Variants in SULT1E1 observed in about 807,000 individuals in gnomAD.
The protein encoded by SULT1E1 is sulfotransferase family 1E member 1, also known as sulfotransferase 1E1.
SULT1E1 carries 36 observed loss-of-function variants against 33.6 expected under a neutral mutation model. The ratio of observed to expected loss-of-function variants is 1.07; its 90% confidence interval spans 0.82 to 1.41. The LOEUF (loss-of-function observed/expected upper bound fraction) is 1.41. Ranked by LOEUF, SULT1E1 falls within the 40% of genes most tolerant of loss-of-function variation. The pLI, the probability that SULT1E1 is intolerant of heterozygous loss-of-function variation, is 0.00. For missense variants in SULT1E1, 371 were observed against 345.7 expected, an observed-to-expected ratio of 1.07 and a Z score of -0.58; for synonymous variants, 121 against 111.7, an observed-to-expected ratio of 1.08 and a Z score of -0.53.
intron 4 of SULT1E1, among the ~76,000 whole-genome samples, chr4:69,850,798 T>C (rs1286798381): frequency 2.0e-5 from 3 of 152,092 alleles, no homozygotes; most frequent in Non-Finnish European, 4.4e-5. Flanking sequence ...TGAGGCTTTT[T>C]ATTTTCCCAG....
chr4:69,857,784 A>G, intron 1 of SULT1E1, 131 bp from the exon 2 acceptor site: 1 of 701,730 alleles, frequency 1.4e-6, no homozygotes, highest in Non-Finnish European at 2.2e-6. Context: ...GCAAAAACAT[A>G]GTAAAGTTGC....
the SULT1E1 span, among the ~76,000 whole-genome samples, chr4:69,821,519 T>A: frequency 6.6e-6 from 1 of 152,210 alleles, no homozygotes; most frequent in East Asian, 1.9e-4. Context: ...GTCATTTGAA[T>A]ATCCTTTGCT....
At chr4:69,823,940 T>C in the SULT1E1 span, among the ~76,000 whole-genome samples, 6 of 152,224 alleles carry the variant, frequency 3.9e-5, no homozygotes, top group Admixed American at 3.3e-4. Context: ...CTGTCAAATC[T>C]CTCTGGCTTG....
the SULT1E1 span, among the ~76,000 whole-genome samples, chr4:69,835,174 T>C: frequency 6.6e-6 from 1 of 152,208 alleles, no homozygotes; most frequent in Non-Finnish European, 1.5e-5. Context: ...CCCAGCTGAT[T>C]GCTAACTGTC....
chr4:69,844,262 T>C lies in SULT1E1; in HGVS notation c.671A>G (p.His224Arg), dbSNP rs1444588366. 3 of 1,613,752 alleles carry C rather than the reference T, an allele frequency of 1.9e-6. No homozygotes were observed. Among genetic ancestry groups the C allele is most frequent in the Non-Finnish European group, 2.5e-6 (3 of 1,179,798 alleles). ...CTTCATCTCTTGGAACGAAGTATGA[T>C]GTATAATCCTGTCCACAAGCTCCTC... ...PSEELVDRII[H>R]HTSFQEMKNN... is the part of the protein sequence containing the mutation. Residue 224 changes from histidine to arginine, a missense_variant, in exon 7 of 8, where the codon CAT becomes CGT. By Grantham distance (29) the His-to-Arg change is conservative. Coordinates refer to ENST00000226444, the MANE Select transcript of SULT1E1 (RefSeq NM_005420.3).
the SULT1E1 span, among the ~76,000 whole-genome samples, chr4:69,824,438 G>T: frequency 6.6e-6 from 1 of 152,144 alleles, no homozygotes; most frequent in Non-Finnish European, 1.5e-5. Context: ...TTTCTTTAAA[G>T]GCCTTCTCCT....
At chr4:69,835,549 G>A in the SULT1E1 span, among the ~76,000 whole-genome samples, 1 of 152,074 alleles carries the variant, frequency 6.6e-6, no homozygotes, top group Non-Finnish European at 1.5e-5. Flanking sequence ...GGGAATGTAA[G>A]GAAGATAAAG....
chr4:69,829,203 T>C, the SULT1E1 span, among the ~76,000 whole-genome samples: 3 of 152,238 alleles, frequency 2.0e-5, no homozygotes, highest in Admixed American at 6.5e-5. Flanking sequence ...GTTTACCGCA[T>C]GCAAATCCTG....
intron 4 of SULT1E1, among the ~76,000 whole-genome samples, chr4:69,852,053 A>G (rs944179246): frequency 3.3e-5 from 5 of 152,116 alleles, no homozygotes; most frequent in East Asian, 1.9e-4. Context: ...CAGGATACCA[A>G]CATGGCACAT....
At chr4:69,856,829 G>T (rs1005385959) in intron 2 of SULT1E1, among the ~76,000 whole-genome samples, 1 of 150,870 alleles carries the variant, frequency 6.6e-6, no homozygotes, top group African/African-American at 2.4e-5. Context: ...CCAGCTACTC[G>T]GGAGGCTGAG....
chr4:69,832,274 A>G, the SULT1E1 span, among the ~76,000 whole-genome samples: 1 of 152,178 alleles, frequency 6.6e-6, no homozygotes, highest in Non-Finnish European at 1.5e-5. Context: ...TCCCAGTGGC[A>G]TGCTTGGGGT....
chr4:69,832,292 C>T, the SULT1E1 span, among the ~76,000 whole-genome samples: 1 of 152,206 alleles, frequency 6.6e-6, no homozygotes, highest in Non-Finnish European at 1.5e-5. Context: ...GGTAACTGAT[C>T]TCCCATGGCT....
At chr4:69,853,635 T>C (rs1721171785) in intron 4 of SULT1E1, among the ~76,000 whole-genome samples, 1 of 152,170 alleles carries the variant, frequency 6.6e-6, no homozygotes. Context: ...GTCTTGTCTG[T>C]TAACCTGTCC....
chr4:69,828,833 T>C, the SULT1E1 span, among the ~76,000 whole-genome samples: 3 of 152,180 alleles, frequency 2.0e-5, no homozygotes, highest in Non-Finnish European at 4.4e-5. Flanking sequence ...CTGCCTTCCA[T>C]AACATGTGCA....
chr4:69,854,714 C>A (rs1477051688), intron 3 of SULT1E1, among the ~76,000 whole-genome samples: 1 of 151,830 alleles, frequency 6.6e-6, no homozygotes, highest in Non-Finnish European at 1.5e-5. Flanking sequence ...GGCAAGCAAC[C>A]TTCTATACAA....
downstream of SULT1E1, among the ~76,000 whole-genome samples, chr4:69,839,248 T>C (rs1720840818): frequency 6.6e-6 from 1 of 152,342 alleles, no homozygotes. Flanking sequence ...TTTGGGAAAC[T>C]GAAAAGTCCA....
chr4:69,857,830 C>T (rs1721277582), intron 1 of SULT1E1, among the ~76,000 whole-genome samples, 177 bp from the exon 2 acceptor site: 1 of 152,006 alleles, frequency 6.6e-6, no homozygotes. Context: ...GAGTTTTTAA[C>T]CTTATTAGAA....
chr4:69,846,566 T>C (rs1720982796), intron 6 of SULT1E1, among the ~76,000 whole-genome samples: 1 of 151,598 alleles, frequency 6.6e-6, no homozygotes, highest in Non-Finnish European at 1.5e-5. Flanking sequence ...TTAAGAATGC[T>C]ACTATGAAAA....
the SULT1E1 span, among the ~76,000 whole-genome samples, chr4:69,831,280 C>T: frequency 2.0e-5 from 3 of 152,270 alleles, no homozygotes; most frequent in Admixed American, 6.5e-5. Flanking sequence ...TTTTTCTCTG[C>T]AGCTGCCAGC....
Sources: allele counts gnomAD v4.1 joint callset (sites outside exome capture counted in the v4.1 genomes callset), GRCh38; gene constraint gnomAD v4.1.1; transcripts MANE v1.5; gene names NCBI Gene and HGNC (gene_info 2026-07-23, HGNC 2026-07-21).